RTKN: variants seen among roughly 807,000 people sequenced by gnomAD.
RTKN encodes rhotekin.
A neutral mutation model predicts 63.5 loss-of-function variants in RTKN; 49 were observed. The ratio of observed to expected loss-of-function variants is 0.77; its 90% CI spans 0.61 to 0.98. RTKN has a LOEUF of 0.98. RTKN is among the 50% of genes least tolerant of loss of function. The pLI, the probability that RTKN is intolerant of heterozygous loss-of-function variation, is 0.00. For synonymous variants in RTKN, 295 were observed against 290.4 expected (o/e 1.02, Z -0.16); for missense variants, 685 against 740.8 (o/e 0.92, Z 0.87).
In RTKN at chr2:74,430,650, C is replaced by G. The variant is rs745699305; in HGVS notation, c.339G>C (p.Glu113Asp). Reference protein sequence around the residue: ...RRPSDSGPPAERSPCRGRVCI... With the variant: ...RRPSDSGPPADRSPCRGRVCI... Reference sequence around the variant, plus strand: ...AGACCCGGCCGCGGCAGGGGGAGCGCTCAGCGGGCGGGCCACTGTCAGAAG... The same window carrying G: ...AGACCCGGCCGCGGCAGGGGGAGCGGTCAGCGGGCGGGCCACTGTCAGAAG... The change falls in exon 3 of 12, where the codon GAG (glutamate) becomes GAC (aspartate). Residue 113 changes from glutamate to aspartate, a missense_variant. Coordinates refer to ENST00000272430, the MANE Select transcript of RTKN (RefSeq NM_001015055.2). 5.0e-6 allele frequency: 8 copies of G among 1,613,384 alleles called. No individual in the cohort carries two copies. In the South Asian group the frequency reaches 8.8e-5, roughly 18 times the overall value.
chr2:74,426,798 G>A (rs551931927), intron 11 of RTKN: 367 of 1,354,422 alleles, frequency 2.7e-4, no homozygotes, highest in Non-Finnish European at 3.3e-4. Flanking sequence ...GGGATGGGAA[G>A]GGGAGGAGTG....
In RTKN at chr2:74,429,910, A is replaced by C. The variant is rs756894606; in HGVS notation, c.673T>G (p.Ser225Ala). ...TKLSSSLGRS[S>A]GRRVRASLDS... ...AGCGATGCCCGGACACGCCTCCCTG[A>C]GGAGCGGCCCAGGGAGCTGCTGAGT... is the stretch of plus-strand genomic sequence containing the variant. Residue 225 changes from serine (S) to alanine (A), a missense_variant, in exon 6 of 12, where the codon TCA becomes GCA. Coordinates refer to ENST00000272430, the MANE Select transcript of RTKN (RefSeq NM_001015055.2). 1 of 1,614,070 alleles carries C rather than the reference A, an allele frequency of 6.2e-7. No homozygotes were observed. The highest frequency in any genetic ancestry group is 8.5e-7 in the Non-Finnish European group (1 of 1,180,020).
At chr2:74,428,104 G>T (rs776715798) in intron 9 of RTKN, 164 bp downstream of exon 9, 2 of 789,622 alleles carry the variant, frequency 2.5e-6, no homozygotes, top group Non-Finnish European at 4.0e-6. Context: ...TCACAGTGAT[G>T]CTGTAGTTGG....
At chr2:74,435,209 C>G (rs1020225158) in intron 1 of RTKN, among the ~76,000 whole-genome samples, 1 of 152,166 alleles carries the variant, frequency 6.6e-6, no homozygotes, top group East Asian at 1.9e-4. Context: ...CCAGGATTCT[C>G]AGGAACATTC....
chr2:74,440,102 G>T (rs1484345371), intron 1 of RTKN: 5 of 645,826 alleles, frequency 7.7e-6, no homozygotes, highest in Non-Finnish European at 9.8e-6. Context: ...ACAACTGGAA[G>T]GGGGCAGGGA....
intron 1 of RTKN, among the ~76,000 whole-genome samples, chr2:74,433,281 A>G (rs1378649486): frequency 2.0e-5 from 3 of 150,840 alleles, no homozygotes; most frequent in African/African-American, 7.3e-5. Context: ...TATAAAACAA[A>G]TAAGAAAAAT....
intron 1 of RTKN, among the ~76,000 whole-genome samples, chr2:74,434,876 A>G (rs531193117): frequency 6.6e-6 from 1 of 152,342 alleles, no homozygotes; most frequent in African/African-American, 2.4e-5. Context: ...AAACTCCCCA[A>G]GTGATTCTGA....
At chr2:74,440,565 A>T (rs1671313137) in intron 1 of RTKN, 15 of 985,702 alleles carry the variant, frequency 1.5e-5, no homozygotes, top group Non-Finnish European at 1.6e-5. Context: ...GCTCCGCCCC[A>T]GCTCCTCCGA....
At chr2:74,433,527 T>C (rs372344719) in intron 1 of RTKN, among the ~76,000 whole-genome samples, 1 of 151,868 alleles carries the variant, frequency 6.6e-6, no homozygotes, top group East Asian at 1.9e-4. Context: ...CTCGCTCTGT[T>C]GCCCAAGCTG....
chr2:74,430,486 C>T lies in RTKN; in HGVS notation c.406G>A (p.Glu136Lys). ...LRIPLMWKDT[E>K]YFKNKGDLHR... ...TCACCACCTTTGTTCTTGAAATATTCTGTGTCCTTCCACATGAGTGGAATC... is the reference window on the plus strand; with the variant it reads ...TCACCACCTTTGTTCTTGAAATATTTTGTGTCCTTCCACATGAGTGGAATC... The change falls in exon 4 of 12, where the codon GAA (glutamate) becomes AAA (lysine). Residue 136 changes from glutamate (E) to lysine (K), a missense_variant. By Grantham distance (56) the Glu-to-Lys change is moderately conservative (BLOSUM62 1). Transcript: ENST00000272430. 1 of 1,614,224 alleles carries T rather than the reference C, an allele frequency of 6.2e-7. No homozygotes were observed. The highest frequency in any genetic ancestry group is 8.5e-7 in the Non-Finnish European group (1 of 1,180,028).
chr2:74,441,459 G>A (rs938690851), intron 1 of RTKN, among the ~76,000 whole-genome samples: 2 of 152,234 alleles, frequency 1.3e-5, no homozygotes, highest in African/African-American at 4.8e-5. Flanking sequence ...TACAAATTGA[G>A]ACCAACCCGG....
In RTKN at chr2:74,430,053, AAGG is replaced by A; in HGVS notation, c.546-19_546-17del. 1 of 1,613,698 alleles carries A rather than the reference AAGG, an allele frequency of 6.2e-7. No individual in the cohort carries two copies. The highest frequency in any genetic ancestry group is 8.5e-7 in the Non-Finnish European group (1 of 1,179,698). ...CGCCTCAGCGCTGGTGGGAGGAAGA[AAGG>A]AGGGTGGTCACAGGAAAGTCCAGGG... On this transcript the variant is annotated splice_polypyrimidine_tract_variant and intron_variant, in intron 5 of 11. Transcript: ENST00000272430.
rs897437730 is a variant in RTKN at position 74,436,407 on chromosome 2, C to T, written c.112-3741G>A. Among the ~76,000 whole-genome samples, 4 of 152,196 alleles carry T rather than the reference C, an allele frequency of 2.6e-5. No homozygotes were observed. Among genetic ancestry groups the T allele is most frequent in the African/African-American group, 9.6e-5 (4 of 41,452 alleles). On this transcript the variant is annotated intron_variant, in intron 1 of 11. Transcript: ENST00000272430. This position sits in a 1 kb window ranked among gnomAD's most constrained non-coding sequence, Gnocchi z 4.3. Reference sequence around the variant, plus strand: ...AGAGCAACTGAGGGGTACCAGGGCGCTGGAGGTCCCTCCGGGCACCTGGCT... The same window carrying T: ...AGAGCAACTGAGGGGTACCAGGGCGTTGGAGGTCCCTCCGGGCACCTGGCT...
chr2:74,430,781 C>T, intron 2 of RTKN, 104 bp from the exon 3 acceptor site: 4 of 1,150,164 alleles, frequency 3.5e-6, no homozygotes, highest in Non-Finnish European at 4.9e-6. Flanking sequence ...CCTCAGCCAC[C>T]AGGTTCCCAG....
chr2:74,440,646 C>G, intron 1 of RTKN: 1 of 865,684 alleles, frequency 1.2e-6, no homozygotes, highest in South Asian at 5.3e-5. Flanking sequence ...GGTCCCGGGC[C>G]TCGCCCCTTA....
rs1187221269 is a variant in RTKN, at chr2:74,432,489, C to A, written c.289G>T (p.Val97Leu). The part of the protein sequence containing the change: ...GELQRRKEAQ[V>L]LGKTSRRPSD... Reference sequence around the variant, plus strand: ...CACCGCCGGCTTGTCTTCCCCAGCACCTGCGCCTCCTTGCGCCGCTGCAGC... The same window carrying A: ...CACCGCCGGCTTGTCTTCCCCAGCAACTGCGCCTCCTTGCGCCGCTGCAGC... The change falls in exon 2 of 12, where the codon GTG (valine) becomes TTG (leucine). Residue 97 changes from valine to leucine, a missense_variant. By Grantham distance (32) the Val-to-Leu change is conservative (BLOSUM62 1). Coordinates refer to ENST00000272430, the MANE Select transcript of RTKN (RefSeq NM_001015055.2). 6.2e-7 allele frequency: 1 copy of A among 1,611,360 alleles called. No individual in the cohort carries two copies. The highest frequency in any genetic ancestry group is 1.3e-5 in the African/African-American group (1 of 75,070).
chr2:74,439,583 G>C (rs757405744), intron 1 of RTKN: 1 of 1,614,060 alleles, frequency 6.2e-7, no homozygotes, highest in African/African-American at 1.3e-5. Flanking sequence ...CGAATGTAGA[G>C]CATATTCAGG....
At chr2:74,439,644 T>G (rs753137610) in intron 1 of RTKN, 1 of 1,613,762 alleles carries the variant, frequency 6.2e-7, no homozygotes, top group Non-Finnish European at 8.5e-7. Flanking sequence ...CCGGTGCCCT[T>G]TCCCTTGTCA....
rs749380095 is a variant in RTKN, at chr2:74,432,471, G to A, written c.307C>T (p.Arg103Trp). The part of the protein sequence containing the change: ...KEAQVLGKTS[R>W]RPSDSGPPAE... Reference sequence around the variant, plus strand: ...CCTCGTCTCCCCCTTGCTCACCGCCGGCTTGTCTTCCCCAGCACCTGCGCC... The same window carrying A: ...CCTCGTCTCCCCCTTGCTCACCGCCAGCTTGTCTTCCCCAGCACCTGCGCC... Residue 103 changes from arginine to tryptophan, a missense_variant, in exon 2 of 12, where the codon CGG becomes TGG. Transcript: ENST00000272430. 3.9e-5 allele frequency: 62 copies of A among 1,608,736 alleles called. No homozygotes were observed. The highest frequency in any genetic ancestry group is 5.0e-5 in the Admixed American group (3 of 59,992).
Sources: gnomAD v4.1 joint callset for allele counts (sites outside exome capture counted in the v4.1 genomes callset) on GRCh38, gnomAD v4.1.1 for gene constraint, Gnocchi (gnomAD v3.1) non-coding constraint, MANE v1.5 for transcripts, NCBI Gene and HGNC (gene_info 2026-07-23, HGNC 2026-07-21) for gene names.